FRMD4A: variants seen among roughly 807,000 people sequenced by gnomAD.
FRMD4A encodes FERM domain containing 4A.
A neutral mutation model predicts 129.1 loss-of-function variants in FRMD4A; 29 were observed. The ratio of observed to expected loss-of-function variants is 0.22; its 90% CI spans 0.17 to 0.31. FRMD4A has a LOEUF of 0.31. Ranked by LOEUF, FRMD4A falls within the 10% of genes least tolerant of loss-of-function variation. FRMD4A has a pLI of 1.00. For synonymous variants in FRMD4A, 634 were observed against 571.6 expected (o/e 1.11, Z -1.56); for missense variants, 1,272 against 1,375.8 (o/e 0.92, Z 1.19).
At chr10:13,820,258 T>C (rs2093609714) in intron 3 of FRMD4A, among the ~76,000 whole-genome samples, 1 of 152,182 alleles carries the variant, frequency 6.6e-6, no homozygotes, top group Admixed American at 6.5e-5. Flanking sequence ...CACCCTCAGA[T>C]GGAAACCCCG....
At chr10:13,968,271 C>G (rs1002837256) in intron 2 of FRMD4A, among the ~76,000 whole-genome samples, 1 of 152,138 alleles carries the variant, frequency 6.6e-6, no homozygotes, top group Non-Finnish European at 1.5e-5. Context: ...CATCAGCCAT[C>G]GCCTTAGCCA....
chr10:14,318,329 C>CTTTTTTTT (rs368474626), intron 2 of FRMD4A, among the ~76,000 whole-genome samples: 1 of 145,826 alleles, frequency 6.9e-6, no homozygotes, highest in Non-Finnish European at 1.5e-5. Context: ...CCCCCCCCAC[C>CTTTTTTTT]TTTTTTTTTT....
At chr10:14,058,937 A>G (rs1165534819) in intron 2 of FRMD4A, among the ~76,000 whole-genome samples, 3 of 49,450 alleles carry the variant, frequency 6.1e-5, no homozygotes, top group Non-Finnish European at 2.2e-4. Context: ...GGGATGATCA[A>G]GGGAAAAATG....
intron 2 of FRMD4A, among the ~76,000 whole-genome samples, chr10:13,900,870 C>G (rs1345316031): frequency 2.6e-5 from 4 of 152,064 alleles, no homozygotes; most frequent in Non-Finnish European, 5.9e-5. Flanking sequence ...GTACTCCAGC[C>G]TGGGCGACAG....
chr10:13,909,948 G>A (rs1162468050), intron 2 of FRMD4A, among the ~76,000 whole-genome samples: 1 of 152,152 alleles, frequency 6.6e-6, no homozygotes, highest in Admixed American at 6.5e-5. Flanking sequence ...ATATAAAAAA[G>A]CACTGTAATT....
chr10:14,160,545 A>G (rs1429206778), intron 2 of FRMD4A, among the ~76,000 whole-genome samples: 1 of 152,242 alleles, frequency 6.6e-6, no homozygotes, highest in Non-Finnish European at 1.5e-5. Flanking sequence ...TCATCTGACA[A>G]GGAACTAATA....
intron 12 of FRMD4A, among the ~76,000 whole-genome samples, chr10:13,716,707 C>T (rs2088843397): frequency 6.6e-6 from 1 of 152,170 alleles, no homozygotes; most frequent in Non-Finnish European, 1.5e-5. Flanking sequence ...CTTCCTTTGG[C>T]TTAAGAGTCA....
chr10:14,044,468 GCC>G (rs1833905356), intron 2 of FRMD4A, among the ~76,000 whole-genome samples: 1 of 152,196 alleles, frequency 6.6e-6, no homozygotes, highest in South Asian at 2.1e-4. Context: ...ATTAGGGTGG[GCC>G]CTAAGTCCAA....
At chr10:13,759,156 T>C (rs1487502712) in intron 8 of FRMD4A, among the ~76,000 whole-genome samples, 1 of 152,216 alleles carries the variant, frequency 6.6e-6, no homozygotes, top group East Asian at 1.9e-4. Context: ...GGCTGTGAGA[T>C]AAACTGACCT....
At chr10:14,068,160 T>C (rs996491359) in intron 2 of FRMD4A, among the ~76,000 whole-genome samples, 1 of 152,204 alleles carries the variant, frequency 6.6e-6, no homozygotes, top group Admixed American at 6.5e-5. Context: ...GCAGGAATTA[T>C]GGATTATGCT....
intron 2 of FRMD4A, among the ~76,000 whole-genome samples, chr10:14,274,002 G>A (rs187169435): frequency 1.5e-3 from 229 of 152,252 alleles, no homozygotes; most frequent in Non-Finnish European, 2.7e-3. Flanking sequence ...AGATGGTGGG[G>A]GGAGAAATGA....
intron 2 of FRMD4A, among the ~76,000 whole-genome samples, chr10:14,031,995 A>G (rs972164919): frequency 6.6e-6 from 1 of 151,814 alleles, no homozygotes; most frequent in Non-Finnish European, 1.5e-5. Context: ...ATTTTTTGAG[A>G]TGGGGTCTTT....
At chr10:13,812,587 T>C (rs1297977996) in intron 3 of FRMD4A, among the ~76,000 whole-genome samples, 1 of 152,232 alleles carries the variant, frequency 6.6e-6, no homozygotes, top group African/African-American at 2.4e-5. Context: ...CCTTAGACTT[T>C]TAACAGGGAC....
At chr10:14,299,259 G>A (rs1015028866) in intron 2 of FRMD4A, among the ~76,000 whole-genome samples, 12 of 152,176 alleles carry the variant, frequency 7.9e-5, no homozygotes, top group African/African-American at 2.9e-4. Flanking sequence ...TGTTCCAGGT[G>A]CATTTTAGCC....
At chr10:13,967,334 C>G (rs2095491777) in intron 2 of FRMD4A, among the ~76,000 whole-genome samples, 1 of 151,238 alleles carries the variant, frequency 6.6e-6, no homozygotes, top group South Asian at 2.1e-4. Context: ...GAGACTCCGT[C>G]TCAAAGAAAA....
chr10:13,959,736 A>G (rs2095434674), intron 2 of FRMD4A, among the ~76,000 whole-genome samples: 1 of 152,130 alleles, frequency 6.6e-6, no homozygotes, highest in African/African-American at 2.4e-5. Flanking sequence ...ACCCGGGAGC[A>G]CTGTGAGAGC....
chr10:13,730,446 G>A (rs2090243092), intron 12 of FRMD4A, among the ~76,000 whole-genome samples: 1 of 152,146 alleles, frequency 6.6e-6, no homozygotes, highest in Non-Finnish European at 1.5e-5. Flanking sequence ...GCTATCGACA[G>A]TCATTTCACA....
intron 2 of FRMD4A, among the ~76,000 whole-genome samples, chr10:13,946,247 C>T (rs763379669): frequency 6.6e-6 from 1 of 152,204 alleles, no homozygotes; most frequent in Non-Finnish European, 1.5e-5. Flanking sequence ...TAGGCAGATG[C>T]TTCCCTGAAC....
intron 2 of FRMD4A, among the ~76,000 whole-genome samples, chr10:14,156,064 T>C (rs1249554761): frequency 6.6e-6 from 1 of 152,124 alleles, no homozygotes; most frequent in East Asian, 1.9e-4. Context: ...TCTCATGAGC[T>C]CAAGGAGATG....
Sources: allele counts gnomAD v4.1 joint callset (sites outside exome capture counted in the v4.1 genomes callset), GRCh38; gene constraint gnomAD v4.1.1; transcripts MANE v1.5; gene names NCBI Gene and HGNC (gene_info 2026-07-23, HGNC 2026-07-21).